The following GPR141 variants were observed in gnomAD, a reference collection of about 807,000 sequenced individuals.
The protein encoded by GPR141 is G protein-coupled receptor 141.
In GPR141, 6 loss-of-function variants were observed where a neutral mutation model predicts 6.8. The observed-to-expected ratio is 0.88, with a 90% CI of 0.48 to 1.74. The LOEUF is 1.74. Ranked by LOEUF, GPR141 falls within the 40% of genes most tolerant of loss-of-function variation. GPR141 has a pLI of 0.01. For missense variants in GPR141, 372 were observed against 372.9 expected, an observed-to-expected ratio of 1.00 and a Z score of 0.02; for synonymous variants, 140 against 142.3, an observed-to-expected ratio of 0.98 and a Z score of 0.11.
chr7:37,703,457 G>A (rs867858260), intron 2 of GPR141, among the ~76,000 whole-genome samples: 3 of 152,104 alleles, frequency 2.0e-5, no homozygotes, highest in African/African-American at 7.2e-5. Context: ...CAAAAAAACT[G>A]CCTTCACTTG....
At chr7:37,722,156 A>T (rs1054323462) in intron 2 of GPR141, among the ~76,000 whole-genome samples, 15 of 152,352 alleles carry the variant, frequency 9.8e-5, no homozygotes, top group Middle Eastern at 6.8e-3. Context: ...AAAATCTAAA[A>T]TATGTAAAAC....
Position 37,743,234 on chromosome 7 carries a change from G to A in GPR141, c.*1923G>A, listed in dbSNP as rs111631696. On this transcript the variant is annotated 3_prime_UTR_variant, in exon 3 of 3. Transcript: ENST00000334425. ...AAGTTTTTCATAATTTATTATCACT[G>A]TGGATCCACAAATTCCTCAGATGAA... Among the ~76,000 whole-genome samples, 1 of 134,520 alleles carries A rather than the reference G, an allele frequency of 7.4e-6. No homozygotes were observed. The allele number at this position is 134,520 out of a possible 152,430, so 88.3% of individuals were successfully genotyped here.
chr7:37,716,116 G>A (rs1811035573), intron 2 of GPR141, among the ~76,000 whole-genome samples: 2 of 152,192 alleles, frequency 1.3e-5, no homozygotes, highest in African/African-American at 4.8e-5. Context: ...AGACATGGGA[G>A]TCTGGGAGCC....
chr7:37,740,786 T>C lies in GPR141; in HGVS notation c.393T>C (p.His131=), dbSNP rs757209366. 1 of 1,614,182 alleles carries C rather than the reference T, an allele frequency of 6.2e-7. No individual in the cohort carries two copies. The highest frequency in any genetic ancestry group is 8.5e-7 in the Non-Finnish European group (1 of 1,180,014). Residue 131 remains histidine (H), a synonymous_variant, in exon 3 of 3, where the codon CAT becomes CAC. Transcript: ENST00000334425. ...KDKVEFYRKL[H]AVAASAGMWT... is the part of the protein sequence containing the mutation. ...AAGTGGAATTCTACAGAAAACTGCA[T>C]GCTGTGGCTGCCAGTGCTGGCATGT...
At position 37,740,566 on chromosome 7, in the gene GPR141, T is replaced by C; in HGVS notation, c.173T>C (p.Leu58Ser). ...RSVTTMAVIN[L>S]VVVHSVFLLT... is the part of the protein sequence containing the mutation. ...GTGACCACCATGGCGGTCATTAACT[T>C]GGTGGTGGTCCACAGCGTTTTTCTG... is the stretch of plus-strand genomic sequence containing the variant. Residue 58 changes from leucine (L) to serine (S), a missense_variant, in exon 3 of 3, where the codon TTG becomes TCG. Coordinates refer to ENST00000334425, the MANE Select transcript of GPR141 (RefSeq NM_001381946.1). 2 of 1,614,146 alleles carry C rather than the reference T, an allele frequency of 1.2e-6. No homozygotes were observed. Among genetic ancestry groups the C allele is most frequent in the Non-Finnish European group, 1.7e-6 (2 of 1,179,990 alleles).
At chr7:37,701,465 A>G (rs145717412) in intron 2 of GPR141, among the ~76,000 whole-genome samples, 2 of 152,302 alleles carry the variant, frequency 1.3e-5, no homozygotes, top group African/African-American at 4.8e-5. Context: ...CTTCCTATGC[A>G]GACTTGCCAG....
chr7:37,737,378 A>G (rs760631237), intron 2 of GPR141, among the ~76,000 whole-genome samples: 27 of 152,158 alleles, frequency 1.8e-4, no homozygotes, highest in Non-Finnish European at 3.4e-4. Flanking sequence ...AATTATGTGT[A>G]ATATATCATG....
intron 2 of GPR141, among the ~76,000 whole-genome samples, chr7:37,698,749 C>T (rs1810141557): frequency 6.6e-6 from 1 of 152,086 alleles, no homozygotes; most frequent in Non-Finnish European, 1.5e-5. Flanking sequence ...TTGTCATGGC[C>T]TTAGAGTGAT....
chr7:37,706,381 G>C (rs1480725696), intron 2 of GPR141, among the ~76,000 whole-genome samples: 1 of 152,200 alleles, frequency 6.6e-6, no homozygotes, highest in African/African-American at 2.4e-5. Flanking sequence ...GTTGTACTCT[G>C]TTGTTTTAGT....
rs1010134580 is a variant in GPR141, at chr7:37,740,589, C to A, written c.196C>A (p.Leu66Met). 8 of 1,613,984 alleles carry A rather than the reference C, an allele frequency of 5.0e-6. No individual in the cohort carries two copies. The African/African-American group carries it at 5.3e-5, about 11-fold the overall frequency. Residue 66 changes from leucine to methionine, a missense_variant, in exon 3 of 3, where the codon CTG (leucine) becomes ATG (methionine). Physicochemically the swap from Leu to Met is conservative, Grantham distance 15. Transcript: ENST00000334425. ...CTTGGTGGTGGTCCACAGCGTTTTT[C>A]TGCTGACAGTGCCATTTCGCTTGAC... ...INLVVVHSVFLLTVPFRLTYL... is the reference protein window; with the variant it reads ...INLVVVHSVFMLTVPFRLTYL...
At chr7:37,708,056 A>G (rs1329193990) in intron 2 of GPR141, among the ~76,000 whole-genome samples, 1 of 152,174 alleles carries the variant, frequency 6.6e-6, no homozygotes, top group Non-Finnish European at 1.5e-5. Context: ...ATTGGAGTGT[A>G]TATGACCTCT....
At chr7:37,726,603 G>A (rs1463690363) in intron 2 of GPR141, among the ~76,000 whole-genome samples, 1 of 151,916 alleles carries the variant, frequency 6.6e-6, no homozygotes, top group Non-Finnish European at 1.5e-5. Flanking sequence ...TTTCCACATT[G>A]GTTTTTCTCT....
At chr7:37,688,708 A>G (rs1367680381) in intron 2 of GPR141, among the ~76,000 whole-genome samples, 4 of 152,154 alleles carry the variant, frequency 2.6e-5, no homozygotes, top group Non-Finnish European at 5.9e-5. Context: ...AGTTCATGTC[A>G]TAGTCATCTG....
At chr7:37,702,542 T>C (rs1232709992) in intron 2 of GPR141, among the ~76,000 whole-genome samples, 1 of 151,936 alleles carries the variant, frequency 6.6e-6, no homozygotes, top group Non-Finnish European at 1.5e-5. Context: ...ATAATCTTAC[T>C]TTCTTCTCAA....
chr7:37,721,872 C>T (rs1262518135), intron 2 of GPR141, among the ~76,000 whole-genome samples: 1 of 152,150 alleles, frequency 6.6e-6, no homozygotes, highest in Non-Finnish European at 1.5e-5. Flanking sequence ...TATATTTTAT[C>T]CACAGCCTTT....
intron 2 of GPR141, among the ~76,000 whole-genome samples, chr7:37,702,201 T>C: frequency 6.6e-6 from 1 of 152,226 alleles, no homozygotes; most frequent in East Asian, 1.9e-4. Flanking sequence ...CATTTTTAAC[T>C]GTAGAGTTTG....
chr7:37,710,100 C>G (rs1041125992), intron 2 of GPR141, among the ~76,000 whole-genome samples: 2 of 152,156 alleles, frequency 1.3e-5, no homozygotes, highest in Admixed American at 6.5e-5. Flanking sequence ...CCACAGGCAA[C>G]ATTTCCTTTT....
chr7:37,688,608 C>A (rs976795679), intron 2 of GPR141, among the ~76,000 whole-genome samples: 14 of 152,166 alleles, frequency 9.2e-5, no homozygotes, highest in Non-Finnish European at 4.4e-5. Flanking sequence ...TCCTTCCTGG[C>A]CAGAAGTCCT....
chr7:37,736,491 A>G (rs1468960909), intron 2 of GPR141, among the ~76,000 whole-genome samples: 1 of 119,970 alleles, frequency 8.3e-6, no homozygotes, highest in Non-Finnish European at 1.8e-5. Context: ...CAGTATAAAC[A>G]GAGGAAAAAA....
Sources: gnomAD v4.1 joint callset for allele counts (sites outside exome capture counted in the v4.1 genomes callset) on GRCh38, gnomAD v4.1.1 for gene constraint, MANE v1.5 for transcripts, NCBI Gene and HGNC (gene_info 2026-07-23, HGNC 2026-07-21) for gene names.